The following MYOM2 variants were observed in gnomAD, a reference collection of about 807,000 sequenced individuals.
MYOM2 encodes the protein myomesin-2.
In MYOM2, 254 loss-of-function variants were observed where a neutral mutation model predicts 187.6. That is an observed-to-expected ratio of 1.35 (90% confidence interval 1.22 to 1.50). The LOEUF is 1.50. MYOM2 is among the 40% of genes most tolerant of loss of function. The probability of loss-of-function intolerance (pLI) is 0.00; values close to 1 mark genes in which losing one functional copy is unlikely to be tolerated. For synonymous variants in MYOM2, 981 were observed against 753.8 expected, an observed-to-expected ratio of 1.30 and a Z score of -4.94; for missense variants, 2,796 against 1,924.0, an observed-to-expected ratio of 1.45 and a Z score of -8.48.
chr8:2,085,307 G>A lies in MYOM2; in HGVS notation c.1561G>A (p.Glu521Lys), dbSNP rs754695421. 7 of 1,614,114 alleles carry A rather than the reference G, an allele frequency of 4.3e-6. No individual in the cohort carries two copies. Among genetic ancestry groups the A allele is most frequent in the African/African-American group, 1.3e-5 (1 of 75,044 alleles). ...GCCTCCCACCGGTGTGCACGCTTCCGAGATCAGCAGAAACTATGTCGTCCT... is the reference window on the plus strand; with the variant it reads ...GCCTCCCACCGGTGTGCACGCTTCCAAGATCAGCAGAAACTATGTCGTCCT... ...PGPPTGVHAS[E>K]ISRNYVVLSW... Residue 521 changes from glutamate (E) to lysine (K), a missense_variant, in exon 14 of 37, where the codon GAG (glutamate) becomes AAG (lysine). Coordinates refer to ENST00000262113, the MANE Select transcript of MYOM2 (RefSeq NM_003970.4).
chr8:2,098,941 A>T lies in MYOM2; in HGVS notation c.2398A>T (p.Ser800Cys). ...CGGCATCGGGGAGCCCTCAGATCCC[A>T]GTGAGCACTTCAAGTGTGAGGCCTG... ...LAGIGEPSDPSEHFKCEAWTM... is the reference protein window; with the variant it reads ...LAGIGEPSDPCEHFKCEAWTM... Residue 800 changes from serine (S) to cysteine (C), a missense_variant, in exon 19 of 37, where the codon AGT becomes TGT. By Grantham distance (112) the Ser-to-Cys change is moderately radical. Transcript: ENST00000262113. 1 of 1,613,652 alleles carries T rather than the reference A, an allele frequency of 6.2e-7. No individual in the cohort carries two copies. The highest frequency in any genetic ancestry group is 8.5e-7 in the Non-Finnish European group (1 of 1,179,888).
At chr8:2,119,840 C>T (rs1797367118) in intron 28 of MYOM2, among the ~76,000 whole-genome samples, 2 of 152,050 alleles carry the variant, frequency 1.3e-5, no homozygotes, top group South Asian at 4.2e-4. Flanking sequence ...CAAGGGGCTG[C>T]TTGGCCCCCA....
At chr8:2,066,035 GC>G (rs1299547069) in intron 6 of MYOM2, among the ~76,000 whole-genome samples, 1 of 152,182 alleles carries the variant, frequency 6.6e-6, no homozygotes, top group East Asian at 1.9e-4. Context: ...TGTCCATGTA[GC>G]CCACACTCCC....
chr8:2,052,306 A>G lies in MYOM2; in HGVS notation c.256A>G (p.Arg86Gly). The change falls in exon 3 of 37, where the codon AGA (arginine) becomes GGA (glycine). Residue 86 changes from arginine to glycine, a missense_variant. By Grantham distance (125) the Arg-to-Gly change is moderately radical (BLOSUM62 -2). Transcript: ENST00000262113. ...STQEDEEQEN[R>G]SRYQSLVAAY... ...GCAGGAAGATGAGGAGCAGGAGAAC[A>G]GAAGCAGGTGAGCACATGGCTTCCC... 1.2e-6 allele frequency: 2 copies of G among 1,603,052 alleles called. No homozygotes were observed. Among genetic ancestry groups the G allele is most frequent in the Non-Finnish European group, 1.7e-6 (2 of 1,174,388 alleles).
At chr8:2,108,650 G>A in intron 23 of MYOM2, 136 bp from the exon 24 acceptor site, 2 of 827,802 alleles carry the variant, frequency 2.4e-6, no homozygotes, top group Non-Finnish European at 4.0e-6. Flanking sequence ...CCTCAGACTT[G>A]TAGTTTAAAT....
chr8:2,135,917 T>G (rs1798052681), intron 32 of MYOM2, among the ~76,000 whole-genome samples: 1 of 152,148 alleles, frequency 6.6e-6, no homozygotes, highest in African/African-American at 2.4e-5. Context: ...GCCAAATGAG[T>G]GGGCGTGGGG....
chr8:2,110,053 C>T (rs1417334131), intron 25 of MYOM2, among the ~76,000 whole-genome samples: 1 of 152,106 alleles, frequency 6.6e-6, no homozygotes, highest in Admixed American at 6.5e-5. Context: ...CCAGGCATGG[C>T]GGCTCTCACC....
In MYOM2 at chr8:2,096,404, T is replaced by C; in HGVS notation, c.2283T>C (p.Asn761=). The C allele has an allele frequency of 6.2e-7, 1 of 1,614,240 alleles. No homozygotes were observed. The highest frequency in any genetic ancestry group is 1.1e-5 in the South Asian group (1 of 91,082). ...ACCATAAAAACTGGCACGAGGTCAA[T>C]TCCTCACCCAGCAAACCGACAATCC... ...EVHHKNWHEV[N]SSPSKPTILT... The change falls in exon 18 of 37, where the codon AAT becomes AAC. Residue 761 remains asparagine (N), a synonymous_variant. Transcript: ENST00000262113.
In MYOM2 at chr8:2,072,417, G is replaced by A. The variant is rs759023429; in HGVS notation, c.866G>A (p.Arg289Lys). The A allele has an allele frequency of 6.2e-7, 1 of 1,614,098 alleles. No homozygotes were observed. The highest frequency in any genetic ancestry group is 8.5e-7 in the Non-Finnish European group (1 of 1,180,056). ...QFLEKFGVTFRREGETVTLKC... is the reference protein window; with the variant it reads ...QFLEKFGVTFKREGETVTLKC... ...TTGGAGAAGTTTGGGGTCACCTTCA[G>A]GAGGGAAGGCGAGACGGTCACTCTC... Residue 289 changes from arginine to lysine, a missense_variant, in exon 9 of 37, where the codon AGG becomes AAG. Arg to Lys is a conservative substitution (Grantham distance 26, BLOSUM62 2). Transcript: ENST00000262113.
intron 34 of MYOM2, among the ~76,000 whole-genome samples, chr8:2,141,759 C>G (rs950309389): frequency 1.3e-5 from 2 of 152,108 alleles, no homozygotes; most frequent in East Asian, 1.9e-4. Context: ...AGCCCTTAAG[C>G]TGATGTTTTT....
intron 3 of MYOM2, among the ~76,000 whole-genome samples, chr8:2,054,009 C>G (rs1408655941): frequency 1.3e-5 from 2 of 152,184 alleles, no homozygotes; most frequent in Admixed American, 6.5e-5. Flanking sequence ...CACCGTCATG[C>G]AGAAGGGCCC....
intron 18 of MYOM2, chr8:2,097,206 C>T: frequency 1.8e-6 from 1 of 543,282 alleles, no homozygotes; most frequent in Middle Eastern, 9.2e-4. Context: ...AAATCTATCT[C>T]TTTATAATAT....
chr8:2,068,587 C>T (rs1257361890), intron 6 of MYOM2, among the ~76,000 whole-genome samples: 1 of 152,022 alleles, frequency 6.6e-6, no homozygotes, highest in Non-Finnish European at 1.5e-5. Flanking sequence ...TCTTCAATGC[C>T]CATGTGCACT....
intron 25 of MYOM2, among the ~76,000 whole-genome samples, chr8:2,111,755 AT>A: frequency 6.6e-6 from 1 of 152,162 alleles, no homozygotes. Context: ...ATTTCTTAAA[AT>A]AATCTCCCTC....
intron 14 of MYOM2, among the ~76,000 whole-genome samples, chr8:2,088,043 T>C (rs73549959): frequency 0.017 from 2,622 of 152,266 alleles, 74 homozygotes; most frequent in African/African-American, 0.06. Flanking sequence ...ACTTTTTTTT[T>C]TGTAATTTTT....
intron 18 of MYOM2, among the ~76,000 whole-genome samples, chr8:2,098,382 C>T (rs574318743): frequency 9.2e-5 from 14 of 152,134 alleles, no homozygotes; most frequent in Non-Finnish European, 1.5e-4. Flanking sequence ...AGCCCGGGGG[C>T]TCTTGTCATG....
Position 2,085,284 on chromosome 8 carries a change from C to G in MYOM2, c.1538C>G (p.Pro513Arg), listed in dbSNP as rs1282949284. ...DLEGDAQVPG[P>R]PTGVHASEIS... ...CCAGGTGACGCCCAGGTTCCAGGGC[C>G]TCCCACCGGTGTGCACGCTTCCGAG... The change falls in exon 14 of 37, where the codon CCT (proline) becomes CGT (arginine). Residue 513 changes from proline to arginine, a missense_variant. Pro to Arg is a moderately radical substitution (Grantham distance 103). Coordinates refer to ENST00000262113, the MANE Select transcript of MYOM2 (RefSeq NM_003970.4). 45 of 1,614,120 alleles carry G rather than the reference C, an allele frequency of 2.8e-5. No individual in the cohort carries two copies. Among genetic ancestry groups the G allele is most frequent in the Middle Eastern group, 1.6e-4 (1 of 6,062 alleles).
chr8:2,093,845 G>A, intron 16 of MYOM2, 125 bp from the exon 17 acceptor site: 1 of 1,140,394 alleles, frequency 8.8e-7, no homozygotes, highest in Non-Finnish European at 1.3e-6. Flanking sequence ...AACTAGAATT[G>A]AAAATGAAGG....
intron 31 of MYOM2, 53 bp from the exon 32 acceptor site, chr8:2,129,074 T>A: frequency 7.5e-7 from 1 of 1,341,574 alleles, no homozygotes; most frequent in Non-Finnish European, 1.1e-6. Context: ...CTTTCTGTGA[T>A]CACACAGCAG....
Sources: gnomAD v4.1 joint callset for allele counts (sites outside exome capture counted in the v4.1 genomes callset) on GRCh38, gnomAD v4.1.1 for gene constraint, MANE v1.5 for transcripts, NCBI Gene and HGNC (gene_info 2026-07-23, HGNC 2026-07-21) for gene names.